Variants in SPTB observed in about 807,000 individuals in gnomAD.
SPTB encodes the protein spectrin beta chain, erythrocytic.
In SPTB, 45 loss-of-function variants were observed where a neutral mutation model predicts 256.2. The ratio of observed to expected loss-of-function variants is 0.18; its 90% CI spans 0.14 to 0.23. The LOEUF is 0.23. Among genes scored for constraint, SPTB ranks in the 10% least tolerant of loss-of-function variants. The pLI is 1.00. For missense variants in SPTB, 2,715 were observed against 3,040.4 expected (o/e 0.89, Z 2.52); for synonymous variants, 1,231 against 1,243.1 (o/e 0.99, Z 0.21).
intron 5 of SPTB, 36 bp from the exon 6 acceptor site, chr14:64,801,870 G>T: frequency 6.3e-7 from 1 of 1,592,512 alleles, no homozygotes; most frequent in Non-Finnish European, 8.6e-7. Flanking sequence ...CTAAGAATTA[G>T]ATTTTTTGTA....
chr14:64,838,164 G>T (rs917797993), intron 1 of SPTB, among the ~76,000 whole-genome samples: 1 of 152,154 alleles, frequency 6.6e-6, no homozygotes, highest in Admixed American at 6.6e-5. Context: ...ATGGAGAAAG[G>T]ATAGTCTTTT....
At chr14:64,769,775 G>A in intron 27 of SPTB, 47 bp from the exon 28 acceptor site, 2 of 1,613,386 alleles carry the variant, frequency 1.2e-6, no homozygotes. Context: ...GGGTCACTCT[G>A]GCCTGCCTCT....
chr14:64,752,758 G>C (rs193223590), intron 33 of SPTB, among the ~76,000 whole-genome samples: 4 of 152,106 alleles, frequency 2.6e-5, no homozygotes, highest in Admixed American at 6.6e-5. Context: ...AATCCCTTTC[G>C]TGAGTCCCCC....
At chr14:64,867,602 C>T (rs1433949454) in intron 1 of SPTB, among the ~76,000 whole-genome samples, 1 of 152,026 alleles carries the variant, frequency 6.6e-6, no homozygotes, top group Non-Finnish European at 1.5e-5. Flanking sequence ...GCCTGTAATC[C>T]CAGCACTTTG....
In SPTB at chr14:64,749,482, C is replaced by A. The variant is rs375141998; in HGVS notation, c.6820-9G>T. On this transcript the variant is annotated splice_polypyrimidine_tract_variant and intron_variant, in intron 35 of 35. Coordinates refer to ENST00000644917, the MANE Select transcript of SPTB (RefSeq NM_001355436.2). This position sits in a 1 kb window ranked among gnomAD's most constrained non-coding sequence, Gnocchi z 4.7. Reference sequence around the variant, plus strand: ...CAGGACAGCATCTCCTCCTGCGGGGCGGAGGGTCACGGTGGAGTCTGGAGG... The same window carrying A: ...CAGGACAGCATCTCCTCCTGCGGGGAGGAGGGTCACGGTGGAGTCTGGAGG... 11 of 1,598,488 alleles carry A rather than the reference C, an allele frequency of 6.9e-6. No individual in the cohort carries two copies. Among genetic ancestry groups the A allele is most frequent in the Non-Finnish European group, 8.5e-6 (10 of 1,177,782 alleles).
chr14:64,762,052 C>T (rs1381793969), intron 32 of SPTB, among the ~76,000 whole-genome samples: 2 of 152,064 alleles, frequency 1.3e-5, no homozygotes, highest in Non-Finnish European at 1.5e-5. Flanking sequence ...AGGGACATGC[C>T]CAGCAGCGGG....
intron 1 of SPTB, among the ~76,000 whole-genome samples, chr14:64,861,989 A>G (rs957073000): frequency 6.6e-6 from 1 of 152,044 alleles, no homozygotes. Context: ...CAATGTTGGC[A>G]TTACCCAAAG....
Position 64,823,171 on chromosome 14 carries a change from G to A in SPTB, c.-51-26C>T. 3.2e-6 allele frequency: 5 copies of A among 1,569,094 alleles called. No homozygotes were observed. The highest frequency in any genetic ancestry group is 2.2e-5 in the South Asian group (2 of 89,866). The stretch of plus-strand genomic sequence containing the variant: ...CTGGGGGACAGCAACACAGTCAGAG[G>A]GTTATCTCTCTACCCCCTCGGACTT... On this transcript the variant is annotated intron_variant, in intron 1 of 35. Coordinates refer to ENST00000644917, the MANE Select transcript of SPTB (RefSeq NM_001355436.2). This position sits in a 1 kb window ranked among gnomAD's most constrained non-coding sequence, Gnocchi z 6.5.
At position 64,844,190 on chromosome 14, in the gene SPTB, G is replaced by A. The variant is rs2083651333; in HGVS notation, c.-51-21045C>T. Among the ~76,000 whole-genome samples the A allele has an allele frequency of 6.6e-6, 1 of 151,608 alleles. No homozygotes were observed. On this transcript the variant is annotated intron_variant, in intron 1 of 35. Coordinates refer to ENST00000644917, the MANE Select transcript of SPTB (RefSeq NM_001355436.2). The surrounding 1 kb of genome is among the most constrained non-coding windows in gnomAD (Gnocchi z 4.1). ...TCCAAGAGTGCTTAGCAGGAGTCAT[G>A]GAGAAAAAAAAAATGAGAGCTAGAA... is the stretch of plus-strand genomic sequence containing the variant.
At chr14:64,836,823 A>AC (rs1566794880) in intron 1 of SPTB, among the ~76,000 whole-genome samples, 1 of 152,214 alleles carries the variant, frequency 6.6e-6, no homozygotes, top group Non-Finnish European at 1.5e-5. Flanking sequence ...GTAACTATCC[A>AC]CCTTCCTAAG....
intron 1 of SPTB, among the ~76,000 whole-genome samples, chr14:64,858,265 T>C (rs2083903822): frequency 6.6e-6 from 1 of 152,100 alleles, no homozygotes; most frequent in South Asian, 2.1e-4. Context: ...CTAGGTAACA[T>C]GGAGTAAAGA....
rs2083015543 is a variant in SPTB at position 64,807,921 on chromosome 14, C to T, written c.149-2831G>A. On this transcript the variant is annotated intron_variant, in intron 2 of 35. Coordinates refer to ENST00000644917, the MANE Select transcript of SPTB (RefSeq NM_001355436.2). The surrounding 1 kb of genome is among the most constrained non-coding windows in gnomAD (Gnocchi z 4.7). ...CAGGAGCCAGGCCTTATTTCCAGAG[C>T]CCTAACCCTGCCAGTGCAGGAAGGG... 6.6e-6 allele frequency among the ~76,000 whole-genome samples: 1 copy of T among 152,254 alleles called. No homozygotes were observed. The highest frequency in any genetic ancestry group is 2.4e-5 in the African/African-American group (1 of 41,476).
rs2083665492 is a variant in SPTB, at chr14:64,844,939, A to T, written c.-51-21794T>A. 6.6e-6 allele frequency among the ~76,000 whole-genome samples: 1 copy of T among 152,206 alleles called. No homozygotes were observed. Among genetic ancestry groups the T allele is most frequent in the Admixed American group, 6.5e-5 (1 of 15,280 alleles). On this transcript the variant is annotated intron_variant, in intron 1 of 35. Coordinates refer to ENST00000644917, the MANE Select transcript of SPTB (RefSeq NM_001355436.2). The surrounding 1 kb of genome is among the most constrained non-coding windows in gnomAD (Gnocchi z 4.1). Reference sequence around the variant, plus strand: ...TTCCTAAAACTTCTGAGCATTTCATATTGTTAACCTGACCAGAAATAAGAC... The same window carrying T: ...TTCCTAAAACTTCTGAGCATTTCATTTTGTTAACCTGACCAGAAATAAGAC...
chr14:64,781,290 C>T (rs1225382931), intron 20 of SPTB, among the ~76,000 whole-genome samples: 1 of 152,132 alleles, frequency 6.6e-6, no homozygotes, highest in Non-Finnish European at 1.5e-5. Flanking sequence ...AACAGACAGC[C>T]TGCAAAATGA....
Position 64,790,876 on chromosome 14 carries a change from A to T in SPTB, c.2804+843T>A, listed in dbSNP as rs2082658041. Among the ~76,000 whole-genome samples, 1 of 152,132 alleles carries T rather than the reference A, an allele frequency of 6.6e-6. No individual in the cohort carries two copies. Among genetic ancestry groups the T allele is most frequent in the African/African-American group, 2.4e-5 (1 of 41,420 alleles). On this transcript the variant is annotated intron_variant, in intron 15 of 35. Coordinates refer to ENST00000644917, the MANE Select transcript of SPTB (RefSeq NM_001355436.2). The surrounding 1 kb of genome is among the most constrained non-coding windows in gnomAD (Gnocchi z 4.8). ...CACACTGAAAGCACCCCCTCTCTAA[A>T]GGCTCCTTGGGGCCTATTTTTTGTT...
chr14:64,822,401 C>CACACACACACAGCA (rs1555374137), intron 2 of SPTB, among the ~76,000 whole-genome samples: 1 of 136,524 alleles, frequency 7.3e-6, no homozygotes, highest in African/African-American at 2.9e-5. Flanking sequence ...CACACACACA[C>CACACACACACAGCA]AGAGAGATCT....
chr14:64,801,157 T>C, intron 7 of SPTB, 128 bp downstream of exon 7: 1 of 783,108 alleles, frequency 1.3e-6, no homozygotes. Flanking sequence ...CCACTGCCCC[T>C]CACTGTGCCC....
At chr14:64,836,714 T>A (rs758247879) in intron 1 of SPTB, among the ~76,000 whole-genome samples, 6 of 152,194 alleles carry the variant, frequency 3.9e-5, no homozygotes, top group Non-Finnish European at 8.8e-5. Context: ...CGTTGTAAAC[T>A]CCTTGAAGGG....
intron 8 of SPTB, 103 bp from the exon 9 acceptor site, chr14:64,800,037 C>T: frequency 7.1e-7 from 1 of 1,400,060 alleles, no homozygotes; most frequent in Non-Finnish European, 1.0e-6. Context: ...GGGCTCCCAC[C>T]TCCTAAGCCC....
Sources: allele counts gnomAD v4.1 joint callset (sites outside exome capture counted in the v4.1 genomes callset), GRCh38; gene constraint gnomAD v4.1.1; non-coding constraint Gnocchi (gnomAD v3.1); transcripts MANE v1.5; gene names NCBI Gene and HGNC (gene_info 2026-07-23, HGNC 2026-07-21).